Variants in RTKN observed in about 807,000 individuals in gnomAD.
RTKN encodes the protein rhotekin.
In RTKN, 49 loss-of-function variants were observed where a neutral mutation model predicts 63.5. The observed-to-expected ratio is 0.77, with a 90% CI of 0.61 to 0.98. RTKN has a LOEUF of 0.98. RTKN is among the 50% of genes least tolerant of loss of function. The pLI is 0.00. For synonymous variants in RTKN, 295 were observed against 290.4 expected (o/e 1.02, Z -0.16); for missense variants, 685 against 740.8 (o/e 0.92, Z 0.87).
At chr2:74,439,781 A>G in intron 1 of RTKN, 1 of 1,462,684 alleles carries the variant, frequency 6.8e-7, no homozygotes, top group Non-Finnish European at 9.1e-7. Context: ...ATCCCTCTGC[A>G]CTCCTGTTAA....
Position 74,428,951 on chromosome 2 carries a change from G to A in RTKN, c.756-9C>T. The A allele has an allele frequency of 6.2e-7, 1 of 1,610,576 alleles. No individual in the cohort carries two copies. Among genetic ancestry groups the A allele is most frequent in the East Asian group, 2.2e-5 (1 of 44,882 alleles). Reference sequence around the variant, plus strand: ...GGTGGTAACGAGGACCACTGAGGGAGATAGGAGAGAGCATCAGCCAAGGGA... The same window carrying A: ...GGTGGTAACGAGGACCACTGAGGGAAATAGGAGAGAGCATCAGCCAAGGGA... On this transcript the variant is annotated splice_polypyrimidine_tract_variant and intron_variant, in intron 6 of 11. Coordinates refer to ENST00000272430, the MANE Select transcript of RTKN (RefSeq NM_001015055.2).
In RTKN at chr2:74,436,412, G is replaced by C. The variant is rs72905491; in HGVS notation, c.112-3746C>G. On this transcript the variant is annotated intron_variant, in intron 1 of 11. Coordinates refer to ENST00000272430, the MANE Select transcript of RTKN (RefSeq NM_001015055.2). The surrounding 1 kb of genome is among the most constrained non-coding windows in gnomAD (Gnocchi z 4.3). ...AACTGAGGGGTACCAGGGCGCTGGA[G>C]GTCCCTCCGGGCACCTGGCTGGGCT... Among the ~76,000 whole-genome samples the C allele has an allele frequency of 0.019, 2,827 of 152,254 alleles. 86 individuals carry two copies. Among genetic ancestry groups the C allele is most frequent in the African/African-American group, 0.064 (2,667 of 41,546 alleles).
chr2:74,427,346 C>G, intron 10 of RTKN, 73 bp from the exon 11 acceptor site: 1 of 1,607,848 alleles, frequency 6.2e-7, no homozygotes, highest in Non-Finnish European at 8.5e-7. Flanking sequence ...TCCACATAAT[C>G]TTGAAACAGA....
intron 1 of RTKN, among the ~76,000 whole-genome samples, chr2:74,437,020 G>T (rs1671103902): frequency 6.6e-6 from 1 of 152,132 alleles, no homozygotes; most frequent in South Asian, 2.1e-4. Context: ...TAGGCCCCCT[G>T]TTGATATCCC....
intron 1 of RTKN, 92 bp from the exon 2 acceptor site, chr2:74,432,758 A>G: frequency 9.4e-7 from 1 of 1,068,568 alleles, no homozygotes. Flanking sequence ...GTGGCCAGTA[A>G]AACTGACAAG....
intron 9 of RTKN, 160 bp from the exon 10 acceptor site, chr2:74,427,752 G>T: frequency 1.4e-6 from 1 of 701,052 alleles, no homozygotes. Context: ...GGCAAAAAAG[G>T]GCTGGGGATG....
chr2:74,433,323 G>C (rs1313088779), intron 1 of RTKN, among the ~76,000 whole-genome samples: 1 of 151,456 alleles, frequency 6.6e-6, no homozygotes, highest in Non-Finnish European at 1.5e-5. Flanking sequence ...ATGGTTGGAA[G>C]TATAAATTCC....
In RTKN at chr2:74,428,710, T is replaced by C. The variant is rs764367603; in HGVS notation, c.878A>G (p.Tyr293Cys). The C allele has an allele frequency of 1.9e-6, 3 of 1,613,566 alleles. No homozygotes were observed. Among genetic ancestry groups the C allele is most frequent in the African/African-American group, 2.7e-5 (2 of 74,782 alleles). Residue 293 changes from tyrosine to cysteine, a missense_variant, in exon 8 of 12, where the codon TAT becomes TGT. Transcript: ENST00000272430. ...HEENPAWLPL[Y>C]GSVCCRLAAQ... Reference sequence around the variant, plus strand: ...TGCCAGACGGCAACACACGCTACCATAAAGGGGCAGCCAGGCAGGGTTCTC... The same window carrying C: ...TGCCAGACGGCAACACACGCTACCACAAAGGGGCAGCCAGGCAGGGTTCTC...
rs1366598094 is a variant in RTKN at position 74,430,053 on chromosome 2, A to G, written c.546-16T>C. ...CGCCTCAGCGCTGGTGGGAGGAAGA[A>G]AGGAGGGTGGTCACAGGAAAGTCCA... On this transcript the variant is annotated splice_polypyrimidine_tract_variant and intron_variant, in intron 5 of 11. Coordinates refer to ENST00000272430, the MANE Select transcript of RTKN (RefSeq NM_001015055.2). 3 of 1,613,580 alleles carry G rather than the reference A, an allele frequency of 1.9e-6. No individual in the cohort carries two copies. The highest frequency in any genetic ancestry group is 4.5e-5 in the East Asian group (2 of 44,880).
At chr2:74,432,422 G>C in intron 2 of RTKN, 45 bp downstream of exon 2, 1 of 1,568,406 alleles carries the variant, frequency 6.4e-7, no homozygotes, top group Non-Finnish European at 8.7e-7. Context: ...CCACCACCCA[G>C]AAGGCCTCCT....
At position 74,430,317 on chromosome 2, in the gene RTKN, C is replaced by T. The variant is rs771839978; in HGVS notation, c.480G>A (p.Gln160=). The T allele has an allele frequency of 1.2e-6, 2 of 1,614,130 alleles. No homozygotes were observed. The highest frequency in any genetic ancestry group is 1.7e-5 in the Admixed American group (1 of 60,010). Residue 160 remains glutamine (Q), a synonymous_variant, in exon 5 of 12, where the codon CAG becomes CAA. Transcript: ENST00000272430. ...FLLLQLGEHI[Q]DTEMILVDRT... ...TGTCCACTAGGATCATCTCTGTGTCCTGGATGTGTTCCCCCAGCTGCAGCA... is the reference window on the plus strand; with the variant it reads ...TGTCCACTAGGATCATCTCTGTGTCTTGGATGTGTTCCCCCAGCTGCAGCA...
At chr2:74,429,200 G>A (rs998862056) in intron 6 of RTKN, among the ~76,000 whole-genome samples, 7 of 152,218 alleles carry the variant, frequency 4.6e-5, no homozygotes, top group Non-Finnish European at 5.9e-5. Context: ...GCAGCTTGAG[G>A]CTTAGAGAGG....
In RTKN at chr2:74,441,860, C is replaced by T. The variant is rs1390193181; in HGVS notation, c.-44G>A. On this transcript the variant is annotated 5_prime_UTR_variant, in exon 1 of 12. Transcript: ENST00000272430. ...TTGCCTGCTCAGTGCGCTCCCCGCG[C>T]CGCCCGGCTTAGCCTCCTCTCCTCG... 19 of 1,303,196 alleles carry T rather than the reference C, an allele frequency of 1.5e-5. No homozygotes were observed. The East Asian group carries it at 4.5e-4, about 31-fold the overall frequency. The allele number at this position is 1,303,196 out of a possible 1,614,324, so 80.7% of individuals were successfully genotyped here.
chr2:74,430,327 T>A lies in RTKN; in HGVS notation c.470A>T (p.Glu157Val). ...WAVFLLLQLGEHIQDTEMILV... is the reference protein window; with the variant it reads ...WAVFLLLQLGVHIQDTEMILV... ...GATCATCTCTGTGTCCTGGATGTGT[T>A]CCCCCAGCTGCAGCAGCAGGAACAC... The change falls in exon 5 of 12, where the codon GAA (glutamate) becomes GTA (valine). Residue 157 changes from glutamate (E) to valine (V), a missense_variant. Glu to Val is a moderately radical substitution (Grantham distance 121). Transcript: ENST00000272430. 1 of 1,613,998 alleles carries A rather than the reference T, an allele frequency of 6.2e-7. No individual in the cohort carries two copies. The highest frequency in any genetic ancestry group is 1.1e-5 in the South Asian group (1 of 91,058).
chr2:74,427,742 G>T, intron 9 of RTKN, 150 bp from the exon 10 acceptor site: 1 of 745,124 alleles, frequency 1.3e-6, no homozygotes, highest in Non-Finnish European at 2.2e-6. Context: ...AGGAAGGAAT[G>T]GCAAAAAAGG....
Position 74,427,799 on chromosome 2 carries a change from T to C in RTKN, c.1087-207A>G, listed in dbSNP as rs535663888. On this transcript the variant is annotated intron_variant, in intron 9 of 11. Transcript: ENST00000272430. ...CCTGAGTCAGGGGAGGAGGAGCAGC[T>C]TGAGACAGGGAAAAAGGGATTGAGC... is the stretch of plus-strand genomic sequence containing the variant. The C allele has an allele frequency of 1.1e-3, 659 of 575,150 alleles. No individual in the cohort carries two copies. Among genetic ancestry groups the C allele is most frequent in the South Asian group, 1.5e-3 (67 of 43,300 alleles). The allele number at this position is 575,150 out of a possible 1,614,324, so 35.6% of individuals were successfully genotyped here. A position where few individuals can be genotyped will look rare whatever the true frequency, so the allele number is the denominator to read the frequency against.
intron 9 of RTKN, 99 bp downstream of exon 9, chr2:74,428,169 C>T: frequency 6.5e-7 from 1 of 1,530,094 alleles, no homozygotes; most frequent in South Asian, 1.2e-5. Flanking sequence ...AGGAGGCCTG[C>T]TTCTATCTCT....
Position 74,425,844 on chromosome 2 carries a change from CAG to C in RTKN, c.*397_*398del. On this transcript the variant is annotated 3_prime_UTR_variant, in exon 12 of 12. Transcript: ENST00000272430. Reference sequence around the variant, plus strand: ...TGATGTGAGGCAGGTCTAGACCAGGCAGAGAGAGGCACCCTGTCCTCAGGAGC... The same window carrying C: ...TGATGTGAGGCAGGTCTAGACCAGGCAGAGAGGCACCCTGTCCTCAGGAGC... 10 of 1,385,798 alleles carry C rather than the reference CAG, an allele frequency of 7.2e-6. No homozygotes were observed. Among genetic ancestry groups the C allele is most frequent in the South Asian group, 1.3e-5 (1 of 75,702 alleles). 85.8% of individuals were successfully genotyped at this position (1,385,798 alleles called of 1,614,324 possible).
intron 9 of RTKN, chr2:74,427,861 C>G (rs774415362): frequency 2.6e-5 from 13 of 506,970 alleles, no homozygotes; most frequent in Non-Finnish European, 4.2e-5. Context: ...AAGGATGCTC[C>G]AGCCAGAGGT....
Sources: allele counts gnomAD v4.1 joint callset (sites outside exome capture counted in the v4.1 genomes callset), GRCh38; gene constraint gnomAD v4.1.1; non-coding constraint Gnocchi (gnomAD v3.1); transcripts MANE v1.5; gene names NCBI Gene and HGNC (gene_info 2026-07-23, HGNC 2026-07-21).